The following RAB3GAP1 variants were observed in gnomAD, a reference collection of about 807,000 sequenced individuals.
RAB3GAP1 encodes RAB3 GTPase activating protein catalytic subunit 1, also known as rab3 GTPase-activating protein catalytic subunit.
RAB3GAP1 carries 86 observed loss-of-function variants against 130.7 expected under a neutral mutation model. The ratio of observed to expected loss-of-function variants is 0.66; its 90% CI spans 0.55 to 0.79. The LOEUF is 0.79. Ranked by LOEUF, RAB3GAP1 falls within the 30% of genes least tolerant of loss-of-function variation. The pLI, the probability that RAB3GAP1 is intolerant of heterozygous loss-of-function variation, is 0.00. For missense variants in RAB3GAP1, 1,029 were observed against 1,169.4 expected (o/e 0.88, Z 1.75); for synonymous variants, 367 against 401.7 (o/e 0.91, Z 1.03).
intron 5 of RAB3GAP1, among the ~76,000 whole-genome samples, chr2:135,100,073 G>A (rs1434519018): frequency 1.3e-5 from 2 of 152,008 alleles, no homozygotes; most frequent in Non-Finnish European, 2.9e-5. Flanking sequence ...ATGAGACTGG[G>A]GCATTCTTGG....
intron 3 of RAB3GAP1, among the ~76,000 whole-genome samples, chr2:135,081,977 A>G (rs2104860501): frequency 6.6e-6 from 1 of 152,094 alleles, no homozygotes; most frequent in East Asian, 1.9e-4. Context: ...CCCCATCTAT[A>G]CTAAAAATAC....
At chr2:135,104,698 CAA>C (rs1491487505) in intron 5 of RAB3GAP1, among the ~76,000 whole-genome samples, 1 of 140,928 alleles carries the variant, frequency 7.1e-6, no homozygotes, top group Non-Finnish European at 1.5e-5. Flanking sequence ...ACTAAAAATA[CAA>C]AATAAATAAA....
intron 3 of RAB3GAP1, among the ~76,000 whole-genome samples, chr2:135,065,818 T>G (rs1465141533): frequency 1.3e-5 from 2 of 148,598 alleles, no homozygotes; most frequent in African/African-American, 5.1e-5. Flanking sequence ...GTCACCAGGC[T>G]GGAGTGCAGT....
chr2:135,152,776 T>G (rs1375601452), intron 18 of RAB3GAP1: 1 of 152,130 alleles, frequency 6.6e-6, no homozygotes, highest in African/African-American at 2.4e-5. Context: ...GACAGAACAT[T>G]CTCATCATGG....
intron 4 of RAB3GAP1, among the ~76,000 whole-genome samples, chr2:135,092,576 A>G (rs1690176399): frequency 6.6e-6 from 1 of 152,156 alleles, no homozygotes; most frequent in Non-Finnish European, 1.5e-5. Context: ...TGCTGGTATT[A>G]CAGGCACCAA....
In RAB3GAP1 at chr2:135,135,771, T is replaced by G. The variant is rs1691662384; in HGVS notation, c.1762T>G (p.Cys588Gly). The G allele has an allele frequency of 1.2e-6, 2 of 1,613,928 alleles. No homozygotes were observed. Among genetic ancestry groups the G allele is most frequent in the Non-Finnish European group, 1.7e-6 (2 of 1,180,004 alleles). ...WSDSEEEFFE[C>G]LSDTEELKGN... ...TGACAGCGAAGAAGAATTTTTTGAA[T>G]GCCTAAGTGATACTGAAGAACTTAA... Residue 588 changes from cysteine to glycine, a missense_variant, in exon 17 of 24, where the codon TGC (cysteine) becomes GGC (glycine). Around this residue, in one of 3 missense-constraint regions of RAB3GAP1, gnomAD observed 373 missense variants for 493.6 expected, o/e 0.76. Transcript: ENST00000264158.
chr2:135,166,793 T>C (rs1316399018), intron 23 of RAB3GAP1, among the ~76,000 whole-genome samples: 1 of 152,240 alleles, frequency 6.6e-6, no homozygotes, highest in Non-Finnish European at 1.5e-5. Context: ...TTCCACTTAA[T>C]ATACTTAAGA....
At chr2:135,116,380 A>G (rs191609000) in intron 7 of RAB3GAP1, among the ~76,000 whole-genome samples, 31 of 152,266 alleles carry the variant, frequency 2.0e-4, no homozygotes, top group Admixed American at 4.6e-4. Context: ...AAACATGAGG[A>G]AGCAATCACA....
At chr2:135,109,673 C>T (rs1690740241) in intron 5 of RAB3GAP1, among the ~76,000 whole-genome samples, 1 of 151,938 alleles carries the variant, frequency 6.6e-6, no homozygotes, top group Non-Finnish European at 1.5e-5. Flanking sequence ...GTTCCACTTC[C>T]TGGGTTCACG....
chr2:135,146,569 G>A (rs1692000756), intron 17 of RAB3GAP1, among the ~76,000 whole-genome samples: 1 of 152,122 alleles, frequency 6.6e-6, no homozygotes, highest in Non-Finnish European at 1.5e-5. Flanking sequence ...TTGAGGTCTT[G>A]TATAGACCTG....
Position 135,137,833 on chromosome 2 carries a change from G to GT in RAB3GAP1, c.1923+1911dup, listed in dbSNP as rs545102535. Among the ~76,000 whole-genome samples the GT allele has an allele frequency of 8.9e-4, 130 of 145,958 alleles. 1 individual carries two copies. The highest frequency in any genetic ancestry group is 6.9e-3 in the Middle Eastern group (2 of 288). ...GGTTTTGTTTTGTTTTTTTTTTGTT[G>GT]TTTTTTTTTTGACACAGAGTCTCTC... On this transcript the variant is annotated intron_variant, in intron 17 of 23. Transcript: ENST00000264158.
chr2:135,065,767 A>ATTT (rs1201634667), intron 3 of RAB3GAP1, among the ~76,000 whole-genome samples: 77 of 123,904 alleles, frequency 6.2e-4, no homozygotes, highest in African/African-American at 1.5e-3. Flanking sequence ...ATCTTCACTA[A>ATTT]TTTTTTTTTT....
Position 135,130,059 on chromosome 2 carries a change from A to G in RAB3GAP1, c.1038A>G (p.Gly346=). 7.4e-6 allele frequency: 12 copies of G among 1,613,218 alleles called. No homozygotes were observed. Among genetic ancestry groups the G allele is most frequent in the Non-Finnish European group, 1.0e-5 (12 of 1,179,528 alleles). Residue 346 remains glycine (G), a synonymous_variant, in exon 12 of 24, where the codon GGA becomes GGG. Transcript: ENST00000264158. ...RRKESTDEIL[G]RSAFEEEGKE... ...AGGAGTCAACTGATGAGATTCTTGG[A>G]CGATCTGCATTTGAGGAAGAAGGCA...
Position 135,135,579 on chromosome 2 carries a change from A to AT in RAB3GAP1, c.1572dup (p.Glu525Ter), listed in dbSNP as rs1411481660. ...TTTTCTTAAGATGTTAAATTGTTGT[A>AT]TTGAAAGAAAGAAGGCACGTGATGA... On this transcript the variant is annotated frameshift_variant, in exon 17 of 24. Coordinates refer to ENST00000264158, the MANE Select transcript of RAB3GAP1 (RefSeq NM_012233.3). LOFTEE classifies it high-confidence loss of function. 3.1e-6 allele frequency: 5 copies of AT among 1,601,970 alleles called. No homozygotes were observed. Among genetic ancestry groups the AT allele is most frequent in the Non-Finnish European group, 4.3e-6 (5 of 1,171,818 alleles).
chr2:135,131,124 A>G (rs1004109674), intron 13 of RAB3GAP1, among the ~76,000 whole-genome samples: 2 of 152,242 alleles, frequency 1.3e-5, no homozygotes, highest in Non-Finnish European at 2.9e-5. Flanking sequence ...ACCAGGGTTG[A>G]GGCTGGAGAA....
intron 3 of RAB3GAP1, among the ~76,000 whole-genome samples, chr2:135,078,825 A>G (rs1224425234): frequency 2.0e-5 from 3 of 151,284 alleles, no homozygotes; most frequent in African/African-American, 7.3e-5. Flanking sequence ...GACCACGGGC[A>G]TGTGCCAACA....
rs752569311 is a variant in RAB3GAP1, at chr2:135,052,475, G to C, written c.64G>C (p.Glu22Gln). The C allele has an allele frequency of 8.1e-6, 13 of 1,613,798 alleles. No homozygotes were observed. The highest frequency in any genetic ancestry group is 1.1e-5 in the Non-Finnish European group (13 of 1,180,042). Residue 22 changes from glutamate to glutamine, a missense_variant, in exon 2 of 24, where the codon GAA (glutamate) becomes CAA (glutamine). Physicochemically the swap from Glu to Gln is conservative, Grantham distance 29. Around this residue, in one of 3 missense-constraint regions of RAB3GAP1, gnomAD observed 510 missense variants for 532.1 expected, o/e 0.96. Transcript: ENST00000264158. ...GATCACGGACTTCACCACTGCCTCGGAATGGGAAAGGTGAGTGAATCGCAT... is the reference window on the plus strand; with the variant it reads ...GATCACGGACTTCACCACTGCCTCGCAATGGGAAAGGTGAGTGAATCGCAT... The part of the protein sequence containing the change: ...FEITDFTTAS[E>Q]WERFISKVEE...
At position 135,153,879 on chromosome 2, in the gene RAB3GAP1, A is replaced by C; in HGVS notation, c.2289+3A>C. 1 of 1,612,456 alleles carries C rather than the reference A, an allele frequency of 6.2e-7. No homozygotes were observed. The highest frequency in any genetic ancestry group is 8.5e-7 in the Non-Finnish European group (1 of 1,178,624). On this transcript the variant is annotated splice_donor_region_variant and intron_variant, in intron 19 of 23. Coordinates refer to ENST00000264158, the MANE Select transcript of RAB3GAP1 (RefSeq NM_012233.3). The stretch of plus-strand genomic sequence containing the variant: ...ATGATACACGGGAAGCAGAAAAGGT[A>C]ATTGAGGTTTGAGTCTCTAATACTA...
intron 5 of RAB3GAP1, among the ~76,000 whole-genome samples, chr2:135,101,110 GAGA>G (rs1690435825): frequency 6.6e-6 from 1 of 152,226 alleles, no homozygotes; most frequent in East Asian, 1.9e-4. Flanking sequence ...GGGAAAAGAT[GAGA>G]AGGACTTTGG....
Sources: allele counts gnomAD v4.1 joint callset (sites outside exome capture counted in the v4.1 genomes callset), GRCh38; gene constraint gnomAD v4.1.1; regional missense constraint gnomAD v4.1.1; transcripts MANE v1.5; gene names NCBI Gene and HGNC (gene_info 2026-07-23, HGNC 2026-07-21).